ZNF445: variants seen among roughly 807,000 people sequenced by gnomAD.
ZNF445 encodes zinc finger protein 445, also known as zinc finger protein 168.
Under a neutral mutation model 93.9 loss-of-function variants are expected in ZNF445, and 19 were observed. The ratio of observed to expected loss-of-function variants is 0.20; its 90% CI spans 0.14 to 0.30. The LOEUF (loss-of-function observed/expected upper bound fraction) is 0.30. Among genes scored for constraint, ZNF445 ranks in the 10% least tolerant of loss-of-function variants. ZNF445 has a pLI of 1.00. For synonymous variants in ZNF445, 449 were observed against 446.3 expected, an observed-to-expected ratio of 1.01 and a Z score of -0.08; for missense variants, 1,058 against 1,259.4, an observed-to-expected ratio of 0.84 and a Z score of 2.42.
chr3:44,452,569 C>T (rs1389972244), intron 3 of ZNF445, among the ~76,000 whole-genome samples: 3 of 152,126 alleles, frequency 2.0e-5, no homozygotes, highest in African/African-American at 7.2e-5. Flanking sequence ...CCAGGTAGGC[C>T]CTTTCTGCTC....
At chr3:44,463,523 C>A (rs1698149626) in intron 1 of ZNF445, among the ~76,000 whole-genome samples, 1 of 152,200 alleles carries the variant, frequency 6.6e-6, no homozygotes, top group African/African-American at 2.4e-5. Context: ...AAATCAAACG[C>A]TCTGTTCTGT....
intron 1 of ZNF445, among the ~76,000 whole-genome samples, chr3:44,476,092 C>T (rs1432632408): frequency 6.6e-6 from 1 of 152,184 alleles, no homozygotes; most frequent in African/African-American, 2.4e-5. Context: ...TCTTACAGAA[C>T]ACCTAACAAT....
intron 1 of ZNF445, among the ~76,000 whole-genome samples, chr3:44,472,210 A>G (rs1339933378): frequency 6.6e-6 from 1 of 152,246 alleles, no homozygotes; most frequent in Non-Finnish European, 1.5e-5. Flanking sequence ...AAATGTACCC[A>G]GTGAAAAATA....
chr3:44,477,017 T>C (rs1467243277), intron 1 of ZNF445, among the ~76,000 whole-genome samples: 1 of 152,198 alleles, frequency 6.6e-6, no homozygotes, highest in African/African-American at 2.4e-5. Flanking sequence ...AAAGCAGTAG[T>C]ATGGATATAC....
chr3:44,448,612 T>G lies in ZNF445; in HGVS notation c.1059A>C (p.Glu353Asp). The change falls in exon 8 of 8, where the codon GAA becomes GAC. Residue 353 changes from glutamate (E) to aspartate (D), a missense_variant. Around this residue, in one of 3 missense-constraint regions of ZNF445, gnomAD observed 657 missense variants for 746.4 expected, o/e 0.88. Coordinates refer to ENST00000396077, the MANE Select transcript of ZNF445 (RefSeq NM_181489.6). Reference protein sequence around the residue: ...TSVSEGIGLRESFQQKSRQKD... With the variant: ...TSVSEGIGLRDSFQQKSRQKD... ...TCTGCCTGCTCTTCTGTTGAAAAGATTCTCTGAGCCCAATTCCCTCAGAAA... is the reference window on the plus strand; with the variant it reads ...TCTGCCTGCTCTTCTGTTGAAAAGAGTCTCTGAGCCCAATTCCCTCAGAAA... 1 of 1,614,208 alleles carries G rather than the reference T, an allele frequency of 6.2e-7. No individual in the cohort carries two copies. Among genetic ancestry groups the G allele is most frequent in the Non-Finnish European group, 8.5e-7 (1 of 1,180,046 alleles).
intron 1 of ZNF445, among the ~76,000 whole-genome samples, chr3:44,476,832 TC>T (rs1209800204): frequency 6.6e-6 from 1 of 152,156 alleles, no homozygotes; most frequent in Non-Finnish European, 1.5e-5. Flanking sequence ...AAATGTCACT[TC>T]ACCATTTAGA....
At chr3:44,472,848 T>A (rs1452496851) in intron 1 of ZNF445, among the ~76,000 whole-genome samples, 2 of 152,182 alleles carry the variant, frequency 1.3e-5, no homozygotes. Context: ...CACTCAGAAC[T>A]GGGAAGGAAC....
intron 6 of ZNF445, chr3:44,449,978 T>C (rs951224979): frequency 1.0e-5 from 3 of 299,660 alleles, no homozygotes; most frequent in Non-Finnish European, 1.9e-5. Flanking sequence ...TCTCACTCTG[T>C]TACCCAAGCT....
intron 2 of ZNF445, 86 bp from the exon 3 acceptor site, chr3:44,455,782 G>A (rs1255025701): frequency 4.1e-6 from 2 of 489,410 alleles, no homozygotes; most frequent in African/African-American, 2.0e-5. Flanking sequence ...GTATATATAA[G>A]AAGAGCGTTT....
rs777147080 is a variant in ZNF445 at position 44,446,937 on chromosome 3, A to G, written c.2734T>C (p.Ser912Pro). 1.2e-6 allele frequency: 2 copies of G among 1,614,096 alleles called. No individual in the cohort carries two copies. Among genetic ancestry groups the G allele is most frequent in the South Asian group, 2.2e-5 (2 of 91,086 alleles). ...CTGGTGTGTTTCCTCTGGTGACTGG[A>G]AAGGGTATGTCTCCCAATGAACTCT... ...GKEFIGRHTL[S>P]SHQRKHTRAA... The change falls in exon 8 of 8, where the codon TCC becomes CCC. Residue 912 changes from serine (S) to proline (P), a missense_variant. Around this residue, in one of 3 missense-constraint regions of ZNF445, gnomAD observed 387 missense variants for 475.7 expected, o/e 0.81. Coordinates refer to ENST00000396077, the MANE Select transcript of ZNF445 (RefSeq NM_181489.6). This position sits in a 1 kb window ranked among gnomAD's most constrained non-coding sequence, Gnocchi z 4.2.
chr3:44,458,656 AG>A, intron 1 of ZNF445, among the ~76,000 whole-genome samples: 1 of 152,162 alleles, frequency 6.6e-6, no homozygotes, highest in East Asian at 1.9e-4. Context: ...CCTCAGAAGC[AG>A]GGCTCAGAAA....
Position 44,447,430 on chromosome 3 carries a change from T to C in ZNF445, c.2241A>G (p.Thr747=), listed in dbSNP as rs757731422. 6.2e-7 allele frequency: 1 copy of C among 1,614,214 alleles called. No individual in the cohort carries two copies. Among genetic ancestry groups the C allele is most frequent in the Non-Finnish European group, 8.5e-7 (1 of 1,180,020 alleles). The change falls in exon 8 of 8, where the codon ACA becomes ACG. Residue 747 remains threonine, a synonymous_variant. Transcript: ENST00000396077. The surrounding 1 kb of genome is among the most constrained non-coding windows in gnomAD (Gnocchi z 4.7). ...GACTGCTCTGAGGAACCTGGAACAC[T>C]GTGTCCTGACTAAAAGATGGCCCGC... is the stretch of plus-strand genomic sequence containing the variant. ...PEGGPSFSQD[T]VFQVPQSSHS... is the part of the protein sequence containing the mutation.
chr3:44,458,869 C>G (rs73829648), intron 1 of ZNF445, among the ~76,000 whole-genome samples: 1 of 152,138 alleles, frequency 6.6e-6, no homozygotes, highest in Admixed American at 6.5e-5. Context: ...ACTCAGTAAG[C>G]AGAAATGCTG....
intron 1 of ZNF445, among the ~76,000 whole-genome samples, chr3:44,476,663 GACA>G (rs1252192688): frequency 3.3e-5 from 5 of 152,170 alleles, no homozygotes; most frequent in African/African-American, 1.2e-4. Flanking sequence ...TTCGGAAGGA[GACA>G]ATACTCTGAT....
rs915862077 is a variant in ZNF445 at position 44,432,137 on chromosome 3, A to T, written c.*14438T>A. ...GGTCTCGAACTCCTGACCTCAAGTG[A>T]TCCACCTGCCTCAGCCTCCCAAAGT... On this transcript the variant is annotated 3_prime_UTR_variant, in exon 8 of 8. Coordinates refer to ENST00000396077, the MANE Select transcript of ZNF445 (RefSeq NM_181489.6). 6.6e-6 allele frequency: 1 copy of T among 152,146 alleles called. No individual in the cohort carries two copies. Among genetic ancestry groups the T allele is most frequent in the African/African-American group, 2.4e-5 (1 of 41,412 alleles). 9.4% of individuals were successfully genotyped at this position (152,146 alleles called of 1,614,324 possible).
At chr3:44,461,010 C>CCCATGTGCA (rs1279977306) in intron 1 of ZNF445, among the ~76,000 whole-genome samples, 1 of 152,144 alleles carries the variant, frequency 6.6e-6, no homozygotes, top group Non-Finnish European at 1.5e-5. Flanking sequence ...CACTGCTGAC[C>CCCATGTGCA]CCATGTGCAC....
At chr3:44,454,658 C>A (rs1179541230) in intron 3 of ZNF445, among the ~76,000 whole-genome samples, 1 of 152,176 alleles carries the variant, frequency 6.6e-6, no homozygotes, top group Non-Finnish European at 1.5e-5. Context: ...AATTCCTGCA[C>A]TCAAGCAATC....
At chr3:44,471,527 G>A (rs1409022241) in intron 1 of ZNF445, among the ~76,000 whole-genome samples, 2 of 152,212 alleles carry the variant, frequency 1.3e-5, no homozygotes, top group African/African-American at 4.8e-5. Flanking sequence ...TGAAGCAAAT[G>A]TAAAAGGAGT....
Position 44,446,495 on chromosome 3 carries a change from T to C in ZNF445, c.*80A>G. 1 of 1,570,488 alleles carries C rather than the reference T, an allele frequency of 6.4e-7. No homozygotes were observed. Among genetic ancestry groups the C allele is most frequent in the Non-Finnish European group, 8.6e-7 (1 of 1,162,848 alleles). On this transcript the variant is annotated 3_prime_UTR_variant, in exon 8 of 8. Transcript: ENST00000396077. This position sits in a 1 kb window ranked among gnomAD's most constrained non-coding sequence, Gnocchi z 4.2. ...GAAAGGGCTGGGCCCTTTATCAAAG[T>C]TACTCCACAATGCCTATAATTAAGG...
Sources: gnomAD v4.1 joint callset for allele counts (sites outside exome capture counted in the v4.1 genomes callset) on GRCh38, gnomAD v4.1.1 for gene constraint, gnomAD v4.1.1 regional missense constraint, Gnocchi (gnomAD v3.1) non-coding constraint, MANE v1.5 for transcripts, NCBI Gene and HGNC (gene_info 2026-07-23, HGNC 2026-07-21) for gene names.